Variants in CNTNAP5 observed in about 807,000 individuals in gnomAD.
CNTNAP5 encodes the protein contactin-associated protein-like 5.
Under a neutral mutation model 150.2 loss-of-function variants are expected in CNTNAP5, and 72 were observed. That is an observed-to-expected ratio of 0.48 (90% confidence interval 0.40 to 0.58). The LOEUF is 0.58. Ranked by LOEUF, CNTNAP5 falls within the 20% of genes least tolerant of loss-of-function variation. The probability of loss-of-function intolerance (pLI) is 0.00; values close to 1 mark genes in which losing one functional copy is unlikely to be tolerated. For missense variants in CNTNAP5, 1,636 were observed against 1,626.2 expected (o/e 1.01, Z -0.10); for synonymous variants, 672 against 619.8 (o/e 1.08, Z -1.25).
intron 6 of CNTNAP5, among the ~76,000 whole-genome samples, chr2:124,451,570 A>T (rs1408442510): frequency 6.6e-6 from 1 of 152,136 alleles, no homozygotes; most frequent in East Asian, 1.9e-4. Context: ...CAGACAGGCA[A>T]AACAGCGTGT....
chr2:124,213,838 A>G (rs1244631013), intron 1 of CNTNAP5, among the ~76,000 whole-genome samples: 1 of 152,202 alleles, frequency 6.6e-6, no homozygotes, highest in East Asian at 1.9e-4. Context: ...GAAGAAATCA[A>G]TTTAGGGAAG....
intron 21 of CNTNAP5, among the ~76,000 whole-genome samples, chr2:124,887,830 G>T (rs1004341468): frequency 6.6e-6 from 1 of 152,124 alleles, no homozygotes; most frequent in African/African-American, 2.4e-5. Context: ...AGTGGAGGTG[G>T]AATGGGACAG....
At chr2:124,598,752 G>A (rs1210201846) in intron 11 of CNTNAP5, among the ~76,000 whole-genome samples, 2 of 152,140 alleles carry the variant, frequency 1.3e-5, no homozygotes, top group African/African-American at 4.8e-5. Context: ...CCTCGCTGCC[G>A]CCTTGCAGTT....
At chr2:124,450,556 C>CAAAAA (rs11299541) in intron 6 of CNTNAP5, among the ~76,000 whole-genome samples, 2 of 64,994 alleles carry the variant, frequency 3.1e-5, no homozygotes, top group African/African-American at 6.2e-5. Flanking sequence ...AATCTGCTGT[C>CAAAAA]AAAAAAAAAA....
intron 1 of CNTNAP5, among the ~76,000 whole-genome samples, chr2:124,194,950 A>G (rs1216674970): frequency 1.3e-5 from 2 of 152,040 alleles, no homozygotes; most frequent in Admixed American, 6.5e-5. Context: ...CTGTTATACT[A>G]TATAAGGGAT....
At chr2:124,523,676 G>A (rs1224069665) in intron 8 of CNTNAP5, among the ~76,000 whole-genome samples, 1 of 152,076 alleles carries the variant, frequency 6.6e-6, no homozygotes, top group East Asian at 1.9e-4. Context: ...TAAGGAATAG[G>A]AATCATAATA....
At chr2:124,211,986 C>A (rs914330794) in intron 1 of CNTNAP5, among the ~76,000 whole-genome samples, 1 of 151,776 alleles carries the variant, frequency 6.6e-6, no homozygotes, top group East Asian at 1.9e-4. Flanking sequence ...CCATTGTATT[C>A]AAAAAAGAGT....
chr2:124,673,738 G>A (rs191811486), intron 13 of CNTNAP5, among the ~76,000 whole-genome samples: 55 of 148,928 alleles, frequency 3.7e-4, no homozygotes, highest in Non-Finnish European at 6.4e-4. Flanking sequence ...GAGAGAATAA[G>A]TAATTTCTGC....
intron 8 of CNTNAP5, among the ~76,000 whole-genome samples, chr2:124,518,680 A>G (rs971175253): frequency 6.6e-6 from 1 of 152,094 alleles, no homozygotes; most frequent in African/African-American, 2.4e-5. Flanking sequence ...TCACATATCC[A>G]TCAACCATAA....
intron 6 of CNTNAP5, among the ~76,000 whole-genome samples, chr2:124,460,273 C>G (rs1693215744): frequency 6.6e-6 from 1 of 152,116 alleles, no homozygotes; most frequent in Non-Finnish European, 1.5e-5. Context: ...GAAAGCCTTA[C>G]TTTTTACTGC....
At position 124,470,615 on chromosome 2, in the gene CNTNAP5, T is replaced by G. The variant is rs543179501; in HGVS notation, c.919-4124T>G. Among the ~76,000 whole-genome samples, 3 of 152,316 alleles carry G rather than the reference T, an allele frequency of 2.0e-5. No homozygotes were observed. In the East Asian group the frequency reaches 5.8e-4, roughly 29 times the overall value. On this transcript the variant is annotated intron_variant, in intron 6 of 23. Transcript: ENST00000682447. The stretch of plus-strand genomic sequence containing the variant: ...TTTTTGCTTTAGTTGTAATTGCTTT[T>G]GGCATCTTCGTTATGAAATCTTTGC...
intron 1 of CNTNAP5, among the ~76,000 whole-genome samples, chr2:124,176,842 GTTTTT>G (rs71394026): frequency 8.3e-6 from 1 of 119,914 alleles, no homozygotes; most frequent in African/African-American, 3.2e-5. Flanking sequence ...GTTATTGCTG[GTTTTT>G]TTTTTTTTTT....
chr2:124,524,341 A>G lies in CNTNAP5; in HGVS notation c.1366A>G (p.Ile456Val), dbSNP rs778851957. ...TGATGGCCTGTGGCACTCGGTTAGC[A>G]TCAACGCCAGGAGGAACCGCATCAC... ...LNDGLWHSVS[I>V]NARRNRITLT... The change falls in exon 9 of 24, where the codon ATC becomes GTC. Residue 456 changes from isoleucine to valine, a missense_variant. Physicochemically the swap from Ile to Val is conservative, Grantham distance 29. Transcript: ENST00000682447. The G allele has an allele frequency of 3.1e-6, 5 of 1,613,756 alleles. No homozygotes were observed. The East Asian group carries it at 6.7e-5, about 22-fold the overall frequency.
intron 12 of CNTNAP5, among the ~76,000 whole-genome samples, chr2:124,620,236 C>T (rs1286032269): frequency 2.0e-5 from 3 of 152,064 alleles, no homozygotes; most frequent in Non-Finnish European, 2.9e-5. Context: ...AGACTAATTT[C>T]TATCTTTCCC....
At chr2:124,116,921 G>C (rs748858451) in intron 1 of CNTNAP5, among the ~76,000 whole-genome samples, 4 of 152,164 alleles carry the variant, frequency 2.6e-5, no homozygotes, top group Admixed American at 1.3e-4. Context: ...AAGCAAGCCA[G>C]GACTTTTAAG....
chr2:124,842,606 G>A (rs767236455), intron 19 of CNTNAP5, among the ~76,000 whole-genome samples: 1 of 152,162 alleles, frequency 6.6e-6, no homozygotes, highest in Non-Finnish European at 1.5e-5. Flanking sequence ...AAGACAGGTT[G>A]TAGAATATTT....
chr2:124,226,240 T>G (rs1686456693), intron 2 of CNTNAP5, among the ~76,000 whole-genome samples: 1 of 151,904 alleles, frequency 6.6e-6, no homozygotes, highest in Non-Finnish European at 1.5e-5. Context: ...TGTAAAAGAG[T>G]TCTGTTTTCT....
chr2:124,174,774 C>T (rs564679716), intron 1 of CNTNAP5, among the ~76,000 whole-genome samples: 1 of 152,274 alleles, frequency 6.6e-6, no homozygotes, highest in South Asian at 2.1e-4. Context: ...GGATAAAAGG[C>T]TATCAAAGAG....
intron 3 of CNTNAP5, among the ~76,000 whole-genome samples, chr2:124,253,967 A>T (rs577358551): frequency 6.6e-6 from 1 of 152,020 alleles, no homozygotes; most frequent in Admixed American, 6.6e-5. Context: ...ACGGATTTGG[A>T]GCATGAACTT....
Sources: gnomAD v4.1 joint callset for allele counts (sites outside exome capture counted in the v4.1 genomes callset) on GRCh38, gnomAD v4.1.1 for gene constraint, MANE v1.5 for transcripts, NCBI Gene and HGNC (gene_info 2026-07-23, HGNC 2026-07-21) for gene names.